Variants in HEATR5A observed in about 807,000 individuals in gnomAD.
HEATR5A encodes HEAT repeat containing 5A.
HEATR5A carries 178 observed loss-of-function variants against 218.8 expected under a neutral mutation model. The observed-to-expected ratio is 0.81, with a 90% CI of 0.72 to 0.92. The LOEUF (loss-of-function observed/expected upper bound fraction) is 0.92. Among genes scored for constraint, HEATR5A ranks in the 40% least tolerant of loss-of-function variants. The pLI, the probability that HEATR5A is intolerant of heterozygous loss-of-function variation, is 0.00. For synonymous variants in HEATR5A, 864 were observed against 871.6 expected, an observed-to-expected ratio of 0.99 and a Z score of 0.15; for missense variants, 2,420 against 2,418.9, an observed-to-expected ratio of 1.00 and a Z score of -0.01.
chr14:31,344,402 C>T (rs1467258452), intron 20 of HEATR5A, among the ~76,000 whole-genome samples: 7 of 151,278 alleles, frequency 4.6e-5, no homozygotes, highest in Middle Eastern at 3.4e-3. Flanking sequence ...CTCCGGTCTC[C>T]CGAGTAGCTG....
At chr14:31,295,751 G>T (rs1236885196) in intron 34 of HEATR5A, among the ~76,000 whole-genome samples, 158 bp downstream of exon 34, 2 of 151,580 alleles carry the variant, frequency 1.3e-5, no homozygotes, top group African/African-American at 4.8e-5. Context: ...ACTGTTATTT[G>T]GCTTTGTCAC....
intron 13 of HEATR5A, among the ~76,000 whole-genome samples, chr14:31,368,817 C>T (rs1313009265): frequency 6.6e-6 from 1 of 151,988 alleles, no homozygotes; most frequent in Non-Finnish European, 1.5e-5. Flanking sequence ...TCACCTCAGC[C>T]TCCCAAAGCA....
chr14:31,399,765 G>A (rs532766432), intron 3 of HEATR5A, among the ~76,000 whole-genome samples: 5 of 152,316 alleles, frequency 3.3e-5, no homozygotes, highest in African/African-American at 1.2e-4. Flanking sequence ...AGGAGGCAGA[G>A]GTTGCAGTGA....
intron 21 of HEATR5A, among the ~76,000 whole-genome samples, chr14:31,343,242 A>C (rs982119669): frequency 6.6e-6 from 1 of 152,014 alleles, no homozygotes; most frequent in Non-Finnish European, 1.5e-5. Context: ...ACAGGCACCC[A>C]CCACCACGCC....
intron 1 of HEATR5A, among the ~76,000 whole-genome samples, chr14:31,418,373 C>T (rs757890153): frequency 6.6e-6 from 1 of 152,170 alleles, no homozygotes; most frequent in Non-Finnish European, 1.5e-5. Flanking sequence ...GGGAGCCATA[C>T]GGTCTCTATC....
chr14:31,324,471 G>A (rs1025117067), intron 23 of HEATR5A, among the ~76,000 whole-genome samples: 7 of 152,032 alleles, frequency 4.6e-5, no homozygotes, highest in African/African-American at 1.7e-4. Context: ...TTTTTTGCAC[G>A]TTAGAATACC....
intron 6 of HEATR5A, among the ~76,000 whole-genome samples, chr14:31,391,704 C>G (rs966980870): frequency 6.6e-6 from 1 of 152,118 alleles, no homozygotes; most frequent in South Asian, 2.1e-4. Context: ...TGGTCAGTGC[C>G]GTATAGGTGT....
intron 1 of HEATR5A, among the ~76,000 whole-genome samples, chr14:31,410,277 C>CA (rs2031228505): frequency 6.6e-6 from 1 of 152,064 alleles, no homozygotes; most frequent in Admixed American, 6.6e-5. Context: ...CAGTTCTGAA[C>CA]AAAAAGCATG....
chr14:31,387,001 G>A (rs1029487202), intron 8 of HEATR5A, 119 bp downstream of exon 8: 11 of 946,094 alleles, frequency 1.2e-5, no homozygotes, highest in Non-Finnish European at 1.7e-5. Context: ...GAATTCTGAG[G>A]AACTTCTATC....
At chr14:31,387,583 G>A (rs951917882) in intron 7 of HEATR5A, among the ~76,000 whole-genome samples, 8 of 143,368 alleles carry the variant, frequency 5.6e-5, no homozygotes, top group African/African-American at 2.1e-4. Flanking sequence ...TTTTTGAGAC[G>A]GAGTCTCGCT....
At chr14:31,320,249 G>T in intron 25 of HEATR5A, 1 of 691,888 alleles carries the variant, frequency 1.4e-6, no homozygotes, top group Non-Finnish European at 2.7e-6. Flanking sequence ...GATGAAGAAG[G>T]AGATCATCAA....
intron 16 of HEATR5A, among the ~76,000 whole-genome samples, chr14:31,357,178 CA>C (rs1173336910): frequency 6.6e-6 from 1 of 152,154 alleles, no homozygotes; most frequent in African/African-American, 2.4e-5. Context: ...GCTACAAATA[CA>C]TTTGGAAAAA....
chr14:31,302,748 G>A (rs773381583), intron 32 of HEATR5A: 6 of 477,982 alleles, frequency 1.3e-5, no homozygotes, highest in Non-Finnish European at 2.2e-5. Context: ...AATTGTGTGA[G>A]TATCATTATG....
At chr14:31,311,630 ATACT>A (rs1439947385) in intron 28 of HEATR5A, among the ~76,000 whole-genome samples, 1 of 152,138 alleles carries the variant, frequency 6.6e-6, no homozygotes, top group Non-Finnish European at 1.5e-5. Flanking sequence ...CTGAGAGAAA[ATACT>A]TACAAGACAT....
intron 28 of HEATR5A, among the ~76,000 whole-genome samples, chr14:31,309,771 G>A (rs1183664366): frequency 2.7e-5 from 4 of 150,478 alleles, no homozygotes; most frequent in South Asian, 2.1e-4. Flanking sequence ...GCGTGATGTC[G>A]GCTCACTGCC....
In HEATR5A at chr14:31,306,888, GA is replaced by G; in HGVS notation, c.4819-10del. 6.3e-7 allele frequency: 1 copy of G among 1,595,800 alleles called. No homozygotes were observed. Among genetic ancestry groups the G allele is most frequent in the South Asian group, 1.1e-5 (1 of 89,186 alleles). ...AATTCTATACCCAAGTCCTATCATG[GA>G]AATCATGTACAGGACACTGTATTAG... On this transcript the variant is annotated splice_polypyrimidine_tract_variant and intron_variant, in intron 30 of 35. Coordinates refer to ENST00000543095, the MANE Select transcript of HEATR5A (RefSeq NM_015473.4).
At chr14:31,332,857 G>C (rs1428428169) in intron 22 of HEATR5A, among the ~76,000 whole-genome samples, 1 of 151,916 alleles carries the variant, frequency 6.6e-6, no homozygotes, top group Non-Finnish European at 1.5e-5. Flanking sequence ...ATGGTGGCGG[G>C]CACCTGTAAT....
chr14:31,358,777 AAG>A lies in HEATR5A; in HGVS notation c.2269_2270del (p.Leu757Ter), dbSNP rs1901511840. ...CATAAATCGAATAAGGGTCATATTC[AAG>A]ACTTCCGCAAGCAACACCATTACCA... ...LLGNGVACGS[L>X]EYDPYSIYEK... On this transcript the variant is annotated frameshift_variant, in exon 16 of 36. Coordinates refer to ENST00000543095, the MANE Select transcript of HEATR5A (RefSeq NM_015473.4). LOFTEE classifies it high-confidence loss of function. 1 of 1,613,870 alleles carries A rather than the reference AAG, an allele frequency of 6.2e-7. No homozygotes were observed. Among genetic ancestry groups the A allele is most frequent in the African/African-American group, 1.3e-5 (1 of 74,928 alleles).
chr14:31,292,257 T>G lies in HEATR5A; in HGVS notation c.*1048A>C, dbSNP rs547806641. On this transcript the variant is annotated 3_prime_UTR_variant, in exon 36 of 36. Coordinates refer to ENST00000543095, the MANE Select transcript of HEATR5A (RefSeq NM_015473.4). Reference sequence around the variant, plus strand: ...GATATGAACCTAGGTTAAAACTCATTGATACAAATGTTTGCCACAAATGAA... The same window carrying G: ...GATATGAACCTAGGTTAAAACTCATGGATACAAATGTTTGCCACAAATGAA... 20 of 152,360 alleles carry G rather than the reference T, an allele frequency of 1.3e-4. No individual in the cohort carries two copies. The East Asian group carries it at 2.1e-3, about 16-fold the overall frequency. The allele number at this position is 152,360 out of a possible 1,614,324, so 9.4% of individuals were successfully genotyped here.
Sources: gnomAD v4.1 joint callset for allele counts (sites outside exome capture counted in the v4.1 genomes callset) on GRCh38, gnomAD v4.1.1 for gene constraint, MANE v1.5 for transcripts, NCBI Gene and HGNC (gene_info 2026-07-23, HGNC 2026-07-21) for gene names.